The following LRWD1 variants were observed in gnomAD, a reference collection of about 807,000 sequenced individuals.
LRWD1 encodes the protein leucine-rich repeat and WD repeat-containing protein 1.
LRWD1 carries 76 observed loss-of-function variants against 75.6 expected under a neutral mutation model. The ratio of observed to expected loss-of-function variants is 1.01; its 90% CI spans 0.84 to 1.22. The LOEUF (loss-of-function observed/expected upper bound fraction) is 1.22, where lower values mean the gene tolerates loss of function less well. Among genes scored for constraint, LRWD1 ranks in the 50% most tolerant of loss-of-function variants. The pLI, the probability that LRWD1 is intolerant of heterozygous loss-of-function variation, is 0.00. For synonymous variants in LRWD1, 487 were observed against 377.0 expected, an observed-to-expected ratio of 1.29 and a Z score of -3.38; for missense variants, 917 against 862.0, an observed-to-expected ratio of 1.06 and a Z score of -0.80.
chr7:102,465,487 AGCTTTTTTTTTTTT>A lies in LRWD1; in HGVS notation c.80+328_81-316del. ...TGCCCCCGAGTCCTAAAGTAGTTGCAGCTTTTTTTTTTTTTTTTTTTTTTTTTTTTTTTTTTTTG... is the reference window on the plus strand; with the variant it reads ...TGCCCCCGAGTCCTAAAGTAGTTGCATTTTTTTTTTTTTTTTTTTTTTTTG... On this transcript the variant is annotated intron_variant, in intron 1 of 14. Coordinates refer to ENST00000292616, the MANE Select transcript of LRWD1 (RefSeq NM_152892.3). 2 of 164,782 alleles carry A rather than the reference AGCTTTTTTTTTTTT, an allele frequency of 1.2e-5. 1 individual carries two copies. Among genetic ancestry groups the A allele is most frequent in the Non-Finnish European group, 2.1e-5 (2 of 94,736 alleles). The allele number at this position is 164,782 out of a possible 1,614,324, so 10.2% of individuals were successfully genotyped here.
intron 8 of LRWD1, 76 bp from the exon 9 acceptor site, chr7:102,468,778 TC>T: frequency 2.6e-6 from 4 of 1,546,444 alleles, no homozygotes; most frequent in Non-Finnish European, 2.6e-6. Context: ...TGGGGCTCCC[TC>T]CCCCAGGCCC....
rs1241135570 is a variant in LRWD1 at position 102,472,587 on chromosome 7, C to T, written c.1668C>T (p.Tyr556=). ...AATGGTCGTCCACCGAGTTGGCCTA[C>T]TTCTCGCTCAGCGCCTGCCCTGGTG... ...RLQWSSTELA[Y]FSLSACPDKG... The change falls in exon 13 of 15, where the codon TAC becomes TAT. Residue 556 remains tyrosine (Y), a synonymous_variant. Coordinates refer to ENST00000292616, the MANE Select transcript of LRWD1 (RefSeq NM_152892.3). 6.2e-7 allele frequency: 1 copy of T among 1,608,768 alleles called. No homozygotes were observed. The highest frequency in any genetic ancestry group is 1.7e-5 in the Admixed American group (1 of 59,744).
chr7:102,467,437 C>T lies in LRWD1; in HGVS notation c.531C>T (p.Val177=). Residue 177 remains valine (V), a synonymous_variant, in exon 4 of 15, where the codon GTC becomes GTT. Transcript: ENST00000292616. ...ADFVKSAVRD[V]RYGPESLSEF... ...TTGTGAAGTCGGCTGTCAGGGATGT[C>T]CGCTACGGGCCCGAGTCCCTCAGCG... 6.2e-7 allele frequency: 1 copy of T among 1,613,774 alleles called. No individual in the cohort carries two copies. Among genetic ancestry groups the T allele is most frequent in the Non-Finnish European group, 8.5e-7 (1 of 1,179,950 alleles).
rs145931791 is a variant in LRWD1 at position 102,468,579 on chromosome 7, G to A, written c.945G>A (p.Thr315=). ...GGGCCACATCCCAGACCGTGGCCACGTGCGGCGGGGAGGCTGTGTGCGTAA... is the reference window on the plus strand; with the variant it reads ...GGGCCACATCCCAGACCGTGGCCACATGCGGCGGGGAGGCTGTGTGCGTAA... ...EEGATSQTVA[T]CGGEAVCVID... is the part of the protein sequence containing the mutation. Residue 315 remains threonine (T), a synonymous_variant, in exon 8 of 15, where the codon ACG becomes ACA. Transcript: ENST00000292616. The A allele has an allele frequency of 4.4e-5, 70 of 1,577,008 alleles. No individual in the cohort carries two copies. In the Middle Eastern group the frequency reaches 5.0e-4, roughly 11 times the overall value.
chr7:102,469,907 G>A (rs1269208499), intron 11 of LRWD1, 25 bp downstream of exon 11: 2 of 1,499,894 alleles, frequency 1.3e-6, no homozygotes, highest in Admixed American at 2.3e-5. Flanking sequence ...GGGGCGCCTT[G>A]GAAGCCAGGC....
chr7:102,469,799 C>T lies in LRWD1; in HGVS notation c.1359C>T (p.Ser453=), dbSNP rs1361805917. 1.9e-6 allele frequency: 3 copies of T among 1,608,744 alleles called. No homozygotes were observed. The highest frequency in any genetic ancestry group is 2.5e-6 in the Non-Finnish European group (3 of 1,177,576). ...CCCTGCGCCTCTGCCCTGTCGCCTC[C>T]TGCCCGGACGCCCGCCTGCTGGCCG... ...SIPLRLCPVA[S]CPDARLLAGC... is the part of the protein sequence containing the mutation. The change falls in exon 11 of 15, where the codon TCC becomes TCT. Residue 453 remains serine (S), a synonymous_variant. Coordinates refer to ENST00000292616, the MANE Select transcript of LRWD1 (RefSeq NM_152892.3).
At position 102,472,679 on chromosome 7, in the gene LRWD1, T is replaced by A. The variant is rs373599879; in HGVS notation, c.1691-13T>A. The A allele has an allele frequency of 8.7e-5, 141 of 1,613,224 alleles. No individual in the cohort carries two copies. In the Middle Eastern group the frequency reaches 1.8e-3, roughly 21 times the overall value. On this transcript the variant is annotated splice_polypyrimidine_tract_variant and intron_variant, in intron 13 of 14. Transcript: ENST00000292616. ...GCTCTGCCCCCACTCAGACTCCACC[T>A]CTGTCCCGGCAGATAAGGGGATTGT...
intron 11 of LRWD1, 151 bp downstream of exon 11, chr7:102,470,033 T>A: frequency 1.0e-6 from 1 of 1,000,472 alleles, no homozygotes; most frequent in Non-Finnish European, 1.4e-6. Context: ...CCCACCTTTC[T>A]GCCAGGCTCT....
chr7:102,467,646 C>T (rs1798052655), intron 4 of LRWD1, 73 bp from the exon 5 acceptor site: 2 of 1,515,402 alleles, frequency 1.3e-6, no homozygotes, highest in Non-Finnish European at 9.0e-7. Flanking sequence ...ATAAGCTCCC[C>T]CTGACTATGC....
intron 3 of LRWD1, among the ~76,000 whole-genome samples, 195 bp from the exon 4 acceptor site, chr7:102,467,144 C>T (rs1798017125): frequency 1.1e-5 from 1 of 89,792 alleles, no homozygotes; most frequent in African/African-American, 4.2e-5. Flanking sequence ...TGTGTAGGCA[C>T]CTGGGTTGTT....
chr7:102,472,762 G>A lies in LRWD1; in HGVS notation c.1761G>A (p.Lys587=), dbSNP rs976567287. 1 of 1,613,456 alleles carries A rather than the reference G, an allele frequency of 6.2e-7. No individual in the cohort carries two copies. The highest frequency in any genetic ancestry group is 8.5e-7 in the Non-Finnish European group (1 of 1,179,964). Residue 587 remains lysine (K), a synonymous_variant, in exon 14 of 15, where the codon AAG becomes AAA. Coordinates refer to ENST00000292616, the MANE Select transcript of LRWD1 (RefSeq NM_152892.3). ...TCTACGACGTCAGCAACATCCTGAAGCAGCCACCCCTGCTGCCGGCAGCCC... is the reference window on the plus strand; with the variant it reads ...TCTACGACGTCAGCAACATCCTGAAACAGCCACCCCTGCTGCCGGCAGCCC... ...VWLYDVSNIL[K]QPPLLPAALQ...
At chr7:102,469,275 G>A (rs1264624313) in intron 9 of LRWD1, among the ~76,000 whole-genome samples, 3 of 152,226 alleles carry the variant, frequency 2.0e-5, no homozygotes, top group Non-Finnish European at 4.4e-5. Flanking sequence ...TTTTCCAACA[G>A]CCTGGGCCAC....
chr7:102,468,884 G>C lies in LRWD1; in HGVS notation c.1050G>C (p.Leu350=). ...TCTTTTCTGTGGCCTGGACCGCTCT[G>C]ATGGTGGTCACACAGGCTGGCCACA... ...EEFFSVAWTA[L]MVVTQAGHKK... The change falls in exon 9 of 15, where the codon CTG becomes CTC. Residue 350 remains leucine, a synonymous_variant. Transcript: ENST00000292616. 6.2e-7 allele frequency: 1 copy of C among 1,612,582 alleles called. No individual in the cohort carries two copies. Among genetic ancestry groups the C allele is most frequent in the Non-Finnish European group, 8.5e-7 (1 of 1,179,992 alleles).
chr7:102,468,876 A>T lies in LRWD1; in HGVS notation c.1042A>T (p.Thr348Ser). ...CCAGGAGTTCTTTTCTGTGGCCTGG[A>T]CCGCTCTGATGGTGGTCACACAGGC... ...PGEEFFSVAW[T>S]ALMVVTQAGH... is the part of the protein sequence containing the mutation. Residue 348 changes from threonine (T) to serine (S), a missense_variant, in exon 9 of 15, where the codon ACC becomes TCC. Transcript: ENST00000292616. 1 of 1,611,998 alleles carries T rather than the reference A, an allele frequency of 6.2e-7. No individual in the cohort carries two copies. The highest frequency in any genetic ancestry group is 1.1e-5 in the South Asian group (1 of 91,056).
At position 102,468,195 on chromosome 7, in the gene LRWD1, G is replaced by T. The variant is rs758016470; in HGVS notation, c.804+8G>T. On this transcript the variant is annotated splice_region_variant and intron_variant, in intron 6 of 14. Coordinates refer to ENST00000292616, the MANE Select transcript of LRWD1 (RefSeq NM_152892.3). ...GGCTCCGATGGCAGCCAGGTGAGCTGAGGTGGCAAGGAGCAGGTGGCAGAT... is the reference window on the plus strand; with the variant it reads ...GGCTCCGATGGCAGCCAGGTGAGCTTAGGTGGCAAGGAGCAGGTGGCAGAT... 3 of 1,605,500 alleles carry T rather than the reference G, an allele frequency of 1.9e-6. No homozygotes were observed. In the East Asian group the frequency reaches 6.7e-5, roughly 36 times the overall value.
Position 102,468,365 on chromosome 7 carries a change from G to C in LRWD1, c.907G>C (p.Ala303Pro), listed in dbSNP as rs1203394041. The change falls in exon 7 of 15, where the codon GCC (alanine) becomes CCC (proline). Residue 303 changes from alanine (A) to proline (P), a missense_variant. Physicochemically the swap from Ala to Pro is conservative, Grantham distance 27. Transcript: ENST00000292616. Reference sequence around the variant, plus strand: ...GCTGTGGGCCTGTGCCTTCGAGCCGGCCTGGGAGGAGGGTACATGGTGGCG... The same window carrying C: ...GCTGTGGGCCTGTGCCTTCGAGCCGCCCTGGGAGGAGGGTACATGGTGGCG... Reference protein sequence around the residue: ...TQLWACAFEPAWEEGATSQTV... With the variant: ...TQLWACAFEPPWEEGATSQTV... 6.2e-7 allele frequency: 1 copy of C among 1,607,624 alleles called. No individual in the cohort carries two copies. Among genetic ancestry groups the C allele is most frequent in the Non-Finnish European group, 8.5e-7 (1 of 1,177,620 alleles).
chr7:102,465,188 T>C, intron 1 of LRWD1, 28 bp downstream of exon 1: 1 of 1,448,296 alleles, frequency 6.9e-7, no homozygotes, highest in Non-Finnish European at 9.1e-7. Flanking sequence ...GGTGAGGCTG[T>C]GTCCTCGGGG....
At position 102,468,620 on chromosome 7, in the gene LRWD1, G is replaced by C; in HGVS notation, c.986G>C (p.Gly329Ala). 1 of 1,576,054 alleles carries C rather than the reference G, an allele frequency of 6.3e-7. No homozygotes were observed. The highest frequency in any genetic ancestry group is 1.2e-5 in the South Asian group (1 of 85,980). ...EAVCVIDCQT[G>A]IVLHKYKAPG... ...GTGTGCGTAATTGATTGCCAGACGG[G>C]CATCGTGCTCCACAAGTACAAGGCA... Residue 329 changes from glycine (G) to alanine (A), a missense_variant, in exon 8 of 15, where the codon GGC (glycine) becomes GCC (alanine). Coordinates refer to ENST00000292616, the MANE Select transcript of LRWD1 (RefSeq NM_152892.3).
chr7:102,469,538 C>A, intron 9 of LRWD1, 36 bp from the exon 10 acceptor site: 1 of 1,611,634 alleles, frequency 6.2e-7, no homozygotes, highest in South Asian at 1.1e-5. Flanking sequence ...AGGGTCATCT[C>A]AGGGCCACTT....
Sources: gnomAD v4.1 joint callset for allele counts (sites outside exome capture counted in the v4.1 genomes callset) on GRCh38, gnomAD v4.1.1 for gene constraint, MANE v1.5 for transcripts, NCBI Gene and HGNC (gene_info 2026-07-23, HGNC 2026-07-21) for gene names.